CNGB3: variants seen among roughly 807,000 people sequenced by gnomAD.
CNGB3 encodes cyclic nucleotide gated channel subunit beta 3.
CNGB3 carries 86 observed loss-of-function variants against 92.8 expected under a neutral mutation model. That is an observed-to-expected ratio of 0.93 (90% CI 0.78 to 1.11). CNGB3 has a LOEUF of 1.11. Ranked by LOEUF, CNGB3 falls within the 50% of genes least tolerant of loss-of-function variation. The probability of loss-of-function intolerance (pLI) is 0.00; values close to 1 mark genes in which losing one functional copy is unlikely to be tolerated. For synonymous variants in CNGB3, 333 were observed against 332.7 expected, an observed-to-expected ratio of 1.00 and a Z score of -0.01; for missense variants, 1,026 against 956.8, an observed-to-expected ratio of 1.07 and a Z score of -0.95.
chr8:86,605,431 A>T (rs1822394665), intron 14 of CNGB3, among the ~76,000 whole-genome samples: 1 of 152,168 alleles, frequency 6.6e-6, no homozygotes, highest in African/African-American at 2.4e-5. Flanking sequence ...TGTCTGAATG[A>T]GCAGTGCCTT....
At chr8:86,665,067 G>A (rs1353289933) in intron 6 of CNGB3, among the ~76,000 whole-genome samples, 1 of 152,116 alleles carries the variant, frequency 6.6e-6, no homozygotes, top group African/African-American at 2.4e-5. Flanking sequence ...AATTTGAATG[G>A]ACATATTTGC....
chr8:86,580,590 G>A (rs1204686615), intron 15 of CNGB3, among the ~76,000 whole-genome samples: 2 of 152,134 alleles, frequency 1.3e-5, no homozygotes, highest in Non-Finnish European at 2.9e-5. Context: ...GGAATGCCAG[G>A]GAATTGTGGG....
intron 2 of CNGB3, among the ~76,000 whole-genome samples, chr8:86,729,239 C>T (rs1397289033): frequency 3.3e-5 from 5 of 152,132 alleles, no homozygotes; most frequent in Non-Finnish European, 5.9e-5. Flanking sequence ...TAAGCTGCAT[C>T]ATATACCTCC....
At chr8:86,603,701 T>G (rs7000051) in intron 15 of CNGB3, among the ~76,000 whole-genome samples, 39,305 of 152,082 alleles carry the variant, frequency 0.26, 5,607 homozygotes, top group Admixed American at 0.41. Context: ...CTCAGGAAAT[T>G]TGGTCCCACA....
intron 10 of CNGB3, among the ~76,000 whole-genome samples, chr8:86,638,558 G>A (rs368629118): frequency 6.6e-5 from 10 of 152,134 alleles, no homozygotes; most frequent in South Asian, 2.1e-4. Flanking sequence ...ACTTATTACT[G>A]GAAGCAATGG....
At chr8:86,576,704 A>C (rs1357034418) in intron 17 of CNGB3, among the ~76,000 whole-genome samples, 1 of 152,152 alleles carries the variant, frequency 6.6e-6, no homozygotes. Flanking sequence ...AAGGTACACT[A>C]TGCTCTTTAC....
chr8:86,586,606 G>A (rs561443903), intron 15 of CNGB3, among the ~76,000 whole-genome samples: 9 of 150,898 alleles, frequency 6.0e-5, no homozygotes, highest in South Asian at 4.2e-4. Context: ...TTGTTCTTGC[G>A]ATAGTTTACT....
rs191428449 is a variant in CNGB3, at chr8:86,692,613, G to C, written c.339-21515C>G. On this transcript the variant is annotated intron_variant, in intron 3 of 17. Transcript: ENST00000320005. Reference sequence around the variant, plus strand: ...TCACCCCTTTACCTTAAGTTTATGTGAGTCCTTTGTGTTAGATGAGTCTCT... The same window carrying C: ...TCACCCCTTTACCTTAAGTTTATGTCAGTCCTTTGTGTTAGATGAGTCTCT... Among the ~76,000 whole-genome samples the C allele has an allele frequency of 1.4e-3, 220 of 152,208 alleles. 2 individuals carry two copies. Among genetic ancestry groups the C allele is most frequent in the Admixed American group, 5.9e-3 (90 of 15,276 alleles).
At chr8:86,591,483 G>C (rs570691225) in intron 15 of CNGB3, among the ~76,000 whole-genome samples, 1 of 149,770 alleles carries the variant, frequency 6.7e-6, no homozygotes, top group South Asian at 2.1e-4. Flanking sequence ...ATCTACTTTT[G>C]GTCTTTGATG....
intron 10 of CNGB3, among the ~76,000 whole-genome samples, chr8:86,637,682 T>A (rs969599733): frequency 4.6e-5 from 7 of 152,200 alleles, no homozygotes; most frequent in African/African-American, 1.7e-4. Flanking sequence ...TTTGGTTAAG[T>A]TTATTCCAAA....
At position 86,718,047 on chromosome 8, in the gene CNGB3, G is replaced by A. The variant is rs148807568; in HGVS notation, c.338+8484C>T. Among the ~76,000 whole-genome samples the A allele has an allele frequency of 2.8e-4, 43 of 151,042 alleles. 1 individual carries two copies. Among genetic ancestry groups the A allele is most frequent in the Admixed American group, 2.5e-3 (38 of 15,124 alleles). On this transcript the variant is annotated intron_variant, in intron 3 of 17. Coordinates refer to ENST00000320005, the MANE Select transcript of CNGB3 (RefSeq NM_019098.5). The stretch of plus-strand genomic sequence containing the variant: ...GAGCAACATTCATAGCATTAAAGGC[G>A]TACATCAAAAAGTCAGAAAGAGAAC...
At chr8:86,696,277 C>T (rs1824448668) in intron 3 of CNGB3, among the ~76,000 whole-genome samples, 1 of 152,066 alleles carries the variant, frequency 6.6e-6, no homozygotes, top group South Asian at 2.1e-4. Flanking sequence ...TGATTGGCCT[C>T]CTGTCAGGAG....
intron 10 of CNGB3, among the ~76,000 whole-genome samples, chr8:86,633,904 C>G (rs756380487): frequency 6.6e-6 from 1 of 152,144 alleles, no homozygotes; most frequent in Non-Finnish European, 1.5e-5. Flanking sequence ...CAGAGGAGAG[C>G]TGAGCTCCAT....
At chr8:86,585,772 C>A (rs912203090) in intron 15 of CNGB3, among the ~76,000 whole-genome samples, 3 of 151,970 alleles carry the variant, frequency 2.0e-5, no homozygotes, top group African/African-American at 7.3e-5. Context: ...CATATTCTTG[C>A]GATAGACACA....
At chr8:86,656,962 C>T (rs892301723) in intron 6 of CNGB3, among the ~76,000 whole-genome samples, 1 of 152,152 alleles carries the variant, frequency 6.6e-6, no homozygotes. Context: ...AAATTTTACA[C>T]AGATAGAATA....
intron 7 of CNGB3, among the ~76,000 whole-genome samples, chr8:86,653,240 C>G (rs967201181): frequency 1.3e-5 from 2 of 151,886 alleles, no homozygotes; most frequent in Admixed American, 6.6e-5. Flanking sequence ...TATTTATCCT[C>G]TTTGTAGAAT....
At chr8:86,606,431 G>T (rs1448289180) in intron 14 of CNGB3, among the ~76,000 whole-genome samples, 2 of 152,012 alleles carry the variant, frequency 1.3e-5, no homozygotes, top group Non-Finnish European at 2.9e-5. Flanking sequence ...AATTACAGTC[G>T]TGAGCCACTG....
chr8:86,624,770 G>C (rs1822812075), intron 13 of CNGB3, among the ~76,000 whole-genome samples: 1 of 152,146 alleles, frequency 6.6e-6, no homozygotes, highest in Admixed American at 6.5e-5. Flanking sequence ...CCTGTGACAT[G>C]GCTGGGATCT....
chr8:86,611,461 A>G, intron 14 of CNGB3, 127 bp downstream of exon 14: 2 of 734,996 alleles, frequency 2.7e-6, no homozygotes, highest in Non-Finnish European at 5.0e-6. Context: ...AGAGCTATAT[A>G]TCATAATTAT....
Sources: allele counts gnomAD v4.1 joint callset (sites outside exome capture counted in the v4.1 genomes callset), GRCh38; gene constraint gnomAD v4.1.1; transcripts MANE v1.5; gene names NCBI Gene and HGNC (gene_info 2026-07-23, HGNC 2026-07-21).